The following PTPRD variants were observed in gnomAD, a reference collection of about 807,000 sequenced individuals.
PTPRD encodes the protein receptor-type tyrosine-protein phosphatase delta.
In PTPRD, 34 loss-of-function variants were observed where a neutral mutation model predicts 214.5. That is an observed-to-expected ratio of 0.16 (90% CI 0.12 to 0.21). The LOEUF (loss-of-function observed/expected upper bound fraction) is 0.21. Ranked by LOEUF, PTPRD falls within the 10% of genes least tolerant of loss-of-function variation. PTPRD has a pLI of 1.00. For synonymous variants in PTPRD, 1,128 were observed against 845.7 expected, an observed-to-expected ratio of 1.33 and a Z score of -5.79; for missense variants, 2,545 against 2,398.7, an observed-to-expected ratio of 1.06 and a Z score of -1.27.
chr9:8,746,654 C>T (rs527429821), intron 11 of PTPRD, among the ~76,000 whole-genome samples: 1 of 152,102 alleles, frequency 6.6e-6, no homozygotes, highest in Non-Finnish European at 1.5e-5. Context: ...ATGAACAGCC[C>T]ATTAAACTAA....
At chr9:8,798,795 TAC>T (rs1296164482) in intron 11 of PTPRD, among the ~76,000 whole-genome samples, 2 of 152,168 alleles carry the variant, frequency 1.3e-5, no homozygotes, top group African/African-American at 2.4e-5. Flanking sequence ...ATTTAATAAA[TAC>T]AGTTATTTTA....
At chr9:9,068,880 G>C (rs141522692) in intron 10 of PTPRD, among the ~76,000 whole-genome samples, 267 of 152,198 alleles carry the variant, frequency 1.8e-3, no homozygotes, top group Non-Finnish European at 2.3e-3. Context: ...AAAGTATTTG[G>C]ATTACAGGTG....
intron 22 of PTPRD, among the ~76,000 whole-genome samples, chr9:8,506,677 T>A (rs7019398): frequency 0.22 from 33,871 of 152,204 alleles, 3,983 homozygotes; most frequent in African/African-American, 0.29. Flanking sequence ...GGTGAAACCC[T>A]TAGAACAGTG....
In PTPRD at chr9:8,942,466, C is replaced by T. The variant is rs1024269674; in HGVS notation, c.-104+76231G>A. Among the ~76,000 whole-genome samples the T allele has an allele frequency of 2.6e-5, 4 of 152,140 alleles. No homozygotes were observed. The East Asian group carries it at 7.7e-4, about 29-fold the overall frequency. ...AAAACAAAATGAACTTCATCAGCAACTGGACTTGCAGTTAGTGATGAGATC... is the reference window on the plus strand; with the variant it reads ...AAAACAAAATGAACTTCATCAGCAATTGGACTTGCAGTTAGTGATGAGATC... On this transcript the variant is annotated intron_variant, in intron 11 of 45. Coordinates refer to ENST00000381196, the MANE Select transcript of PTPRD (RefSeq NM_002839.4).
At chr9:9,316,232 C>G (rs144383905) in intron 9 of PTPRD, among the ~76,000 whole-genome samples, 1 of 152,020 alleles carries the variant, frequency 6.6e-6, no homozygotes, top group African/African-American at 2.4e-5. Flanking sequence ...GTCTCCCTCT[C>G]CTCCTCTCTC....
intron 2 of PTPRD, among the ~76,000 whole-genome samples, chr9:10,566,113 T>C (rs1032161037): frequency 2.6e-5 from 4 of 152,004 alleles, no homozygotes; most frequent in African/African-American, 7.2e-5. Flanking sequence ...TCACGGTAAT[T>C]TGATAAATTT....
intron 11 of PTPRD, among the ~76,000 whole-genome samples, chr9:8,980,344 GTATTA>G (rs2099304125): frequency 6.6e-6 from 1 of 151,884 alleles, no homozygotes; most frequent in African/African-American, 2.4e-5. Context: ...TAATAAAATT[GTATTA>G]TATTAGGGAT....
At chr9:10,488,007 T>TCTCTCTCTCTCTCTCTC (rs2099144274) in intron 2 of PTPRD, among the ~76,000 whole-genome samples, 2 of 143,668 alleles carry the variant, frequency 1.4e-5, no homozygotes, top group African/African-American at 5.2e-5. Flanking sequence ...TCTCTCTCTC[T>TCTCTCTCTCTCTCTCTC]GTTCTGAACC....
At chr9:10,090,556 A>T (rs1202988284) in intron 3 of PTPRD, among the ~76,000 whole-genome samples, 1 of 150,780 alleles carries the variant, frequency 6.6e-6, no homozygotes, top group Admixed American at 6.7e-5. Context: ...ACATATTTTT[A>T]ATGTATTTTA....
Position 8,485,874 on chromosome 9 carries a change from G to A in PTPRD, c.2943C>T (p.Leu981=), listed in dbSNP as rs746192980. Residue 981 remains leucine, a synonymous_variant, in exon 28 of 46, where the codon CTC becomes CTT. Coordinates refer to ENST00000381196, the MANE Select transcript of PTPRD (RefSeq NM_002839.4). ...ATGTGGTATCTGGTTTTAAGCCAGTGAGTGTCATAGTGGTGTCAGCTGGAA... is the reference window on the plus strand; with the variant it reads ...ATGTGGTATCTGGTTTTAAGCCAGTAAGTGTCATAGTGGTGTCAGCTGGAA... ...LIVPADTTMT[L]TGLKPDTTYD... is the part of the protein sequence containing the mutation. The A allele has an allele frequency of 1.9e-6, 3 of 1,614,194 alleles. No homozygotes were observed. The highest frequency in any genetic ancestry group is 1.7e-6 in the Non-Finnish European group (2 of 1,180,028).
chr9:8,441,858 C>G (rs1033923153), intron 34 of PTPRD, among the ~76,000 whole-genome samples: 1 of 152,090 alleles, frequency 6.6e-6, no homozygotes, highest in Admixed American at 6.5e-5. Flanking sequence ...GATCCCATAC[C>G]CCGTACACTC....
chr9:8,875,939 C>A (rs925890326), intron 11 of PTPRD, among the ~76,000 whole-genome samples: 24 of 152,148 alleles, frequency 1.6e-4, no homozygotes, highest in Non-Finnish European at 2.6e-4. Context: ...CACAAACATT[C>A]TTTATGATGC....
chr9:9,316,565 T>A (rs1277585160), intron 9 of PTPRD, among the ~76,000 whole-genome samples: 3 of 152,142 alleles, frequency 2.0e-5, no homozygotes, highest in Non-Finnish European at 4.4e-5. Flanking sequence ...GACCAGTTTT[T>A]ACCCTATCAT....
chr9:9,960,806 CAAAG>C (rs1413451777), intron 4 of PTPRD, among the ~76,000 whole-genome samples: 1 of 151,952 alleles, frequency 6.6e-6, no homozygotes, highest in African/African-American at 2.4e-5. Context: ...TTATTAAAAA[CAAAG>C]AAAATAGAAA....
chr9:9,821,741 G>C (rs77320204), intron 5 of PTPRD, among the ~76,000 whole-genome samples: 1,841 of 151,664 alleles, frequency 0.012, 26 homozygotes, highest in African/African-American at 0.041. Context: ...TTTTACTGAA[G>C]ACTTTGAGAG....
Position 9,001,448 on chromosome 9 carries a change from T to C in PTPRD, c.-104+17249A>G, listed in dbSNP as rs546040972. On this transcript the variant is annotated intron_variant, in intron 11 of 45. Coordinates refer to ENST00000381196, the MANE Select transcript of PTPRD (RefSeq NM_002839.4). ...GATTTAGGACCCCAACATAGCTCAG[T>C]TTTGCACAATCAGGAAGCTTGCTTC... is the stretch of plus-strand genomic sequence containing the variant. Among the ~76,000 whole-genome samples the C allele has an allele frequency of 3.9e-5, 6 of 152,114 alleles. No individual in the cohort carries two copies. In the South Asian group the frequency reaches 1.2e-3, roughly 32 times the overall value.
In PTPRD at chr9:9,043,904, A is replaced by AAAAATAAAAT. The variant is rs34743506; in HGVS notation, c.-142-25179_-142-25170dup. 1.0e-3 allele frequency among the ~76,000 whole-genome samples: 143 copies of AAAAATAAAAT among 137,434 alleles called. 1 individual carries two copies. Among genetic ancestry groups the AAAAATAAAAT allele is most frequent in the African/African-American group, 3.6e-3 (134 of 36,990 alleles). The allele number at this position is 137,434 out of a possible 152,430, so 90.2% of individuals were successfully genotyped here. On this transcript the variant is annotated intron_variant, in intron 10 of 45. Transcript: ENST00000381196. ...GGGTGACAGAGTGAGACCCTGTCTCAAAAATAAAATAAAATAAAATAAAAT... is the reference window on the plus strand; with the variant it reads ...GGGTGACAGAGTGAGACCCTGTCTCAAAAATAAAATAAAATAAAATAAAATAAAATAAAAT...
chr9:8,858,828 C>CACACAT (rs1555442974), intron 11 of PTPRD, among the ~76,000 whole-genome samples: 2 of 136,426 alleles, frequency 1.5e-5, no homozygotes, highest in Non-Finnish European at 3.2e-5. Context: ...CACACACACA[C>CACACAT]ATACACACAC....
intron 5 of PTPRD, among the ~76,000 whole-genome samples, chr9:9,784,797 A>G (rs1597725586): frequency 6.6e-6 from 1 of 150,942 alleles, no homozygotes; most frequent in East Asian, 1.9e-4. Flanking sequence ...ATATATGTTT[A>G]TATCTATATC....
Sources: allele counts gnomAD v4.1 joint callset (sites outside exome capture counted in the v4.1 genomes callset), GRCh38; gene constraint gnomAD v4.1.1; transcripts MANE v1.5; gene names NCBI Gene and HGNC (gene_info 2026-07-23, HGNC 2026-07-21).